PTPRA: variants seen among roughly 807,000 people sequenced by gnomAD.
PTPRA encodes protein tyrosine phosphatase receptor type A.
Under a neutral mutation model 104.8 loss-of-function variants are expected in PTPRA, and 25 were observed. The observed-to-expected ratio is 0.24, with a 90% CI of 0.17 to 0.33. The LOEUF is 0.33. PTPRA is among the 10% of genes least tolerant of loss of function. The pLI is 1.00. For missense variants in PTPRA, 765 were observed against 1,015.3 expected (o/e 0.75, Z 3.35); for synonymous variants, 323 against 368.9 (o/e 0.88, Z 1.43).
chr20:2,876,088 T>G (rs61386698), intron 1 of PTPRA, among the ~76,000 whole-genome samples: 2,353 of 152,164 alleles, frequency 0.015, 124 homozygotes, highest in Admixed American at 0.09. Context: ...TGAAAGAATT[T>G]TGGAAAGATC....
chr20:3,011,445 C>G (rs1183670322), intron 11 of PTPRA, among the ~76,000 whole-genome samples: 1 of 152,130 alleles, frequency 6.6e-6, no homozygotes, highest in African/African-American at 2.4e-5. Flanking sequence ...GCTACGTGTG[C>G]AAAGGAGGTA....
At chr20:2,888,357 C>T (rs191675965) in intron 1 of PTPRA, among the ~76,000 whole-genome samples, 11 of 152,012 alleles carry the variant, frequency 7.2e-5, no homozygotes, top group African/African-American at 1.9e-4. Flanking sequence ...CCCAGGAGTT[C>T]GAGACCAGCC....
intron 2 of PTPRA, among the ~76,000 whole-genome samples, chr20:2,938,070 A>G (rs1354324212): frequency 6.6e-6 from 1 of 152,162 alleles, no homozygotes; most frequent in Non-Finnish European, 1.5e-5. Flanking sequence ...CATAATCCCA[A>G]CACTTTGAGA....
chr20:3,007,898 A>C (rs1446955283), intron 11 of PTPRA, among the ~76,000 whole-genome samples: 1 of 152,174 alleles, frequency 6.6e-6, no homozygotes, highest in Non-Finnish European at 1.5e-5. Context: ...CTGAGGGAAG[A>C]GCTGATACTA....
rs142011414 is a variant in PTPRA at position 2,916,557 on chromosome 20, C to T, written c.-128-6650C>T. ...CCCAGATGAAAAGATTACTTAAGGC[C>T]AGTATTTCATCACCAGCCAGCCATG... On this transcript the variant is annotated intron_variant, in intron 1 of 23. Transcript: ENST00000399903. Among the ~76,000 whole-genome samples, 377 of 152,198 alleles carry T rather than the reference C, an allele frequency of 2.5e-3. 4 individuals are homozygous for T. Among genetic ancestry groups the T allele is most frequent in the African/African-American group, 8.4e-3 (349 of 41,522 alleles).
At chr20:2,925,855 G>A (rs1431062382) in intron 2 of PTPRA, among the ~76,000 whole-genome samples, 1 of 151,870 alleles carries the variant, frequency 6.6e-6, no homozygotes, top group African/African-American at 2.4e-5. Context: ...ACACATGGAT[G>A]TACAAACATC....
intron 9 of PTPRA, among the ~76,000 whole-genome samples, chr20:2,994,909 C>T (rs944389579): frequency 6.6e-6 from 1 of 152,182 alleles, no homozygotes; most frequent in African/African-American, 2.4e-5. Context: ...GCAGGCAGAT[C>T]ACTTGAGGTC....
chr20:2,948,121 C>A, intron 3 of PTPRA, 97 bp downstream of exon 3: 1 of 539,444 alleles, frequency 1.9e-6, no homozygotes, highest in Non-Finnish European at 3.0e-6. Flanking sequence ...CTGCTTATGG[C>A]ATAATCTGGG....
At chr20:2,917,545 C>A (rs1434618703) in intron 1 of PTPRA, among the ~76,000 whole-genome samples, 2 of 152,158 alleles carry the variant, frequency 1.3e-5, no homozygotes, top group African/African-American at 4.8e-5. Context: ...TGCTTTCTTG[C>A]CACTGGTAGT....
At chr20:3,020,409 T>A (rs1346436820) in intron 13 of PTPRA, among the ~76,000 whole-genome samples, 1 of 152,164 alleles carries the variant, frequency 6.6e-6, no homozygotes, top group Non-Finnish European at 1.5e-5. Context: ...ACAGAGGAGC[T>A]TTTTTCCCCT....
At chr20:2,942,898 C>T (rs2060972640) in intron 2 of PTPRA, among the ~76,000 whole-genome samples, 1 of 151,982 alleles carries the variant, frequency 6.6e-6, no homozygotes, top group Non-Finnish European at 1.5e-5. Context: ...CCTATACATA[C>T]ATAGCTGTGA....
At chr20:2,931,609 C>G (rs1020444740) in intron 2 of PTPRA, among the ~76,000 whole-genome samples, 5 of 152,088 alleles carry the variant, frequency 3.3e-5, no homozygotes, top group Non-Finnish European at 7.4e-5. Context: ...TTCCCTAGCC[C>G]CTGAAACAAA....
At chr20:2,911,344 G>A (rs1164035831) in intron 1 of PTPRA, among the ~76,000 whole-genome samples, 1 of 152,150 alleles carries the variant, frequency 6.6e-6, no homozygotes, top group Non-Finnish European at 1.5e-5. Context: ...CACTGATACT[G>A]CATTCACTGA....
At chr20:2,910,901 G>A (rs1162732734) in intron 1 of PTPRA, among the ~76,000 whole-genome samples, 2 of 148,874 alleles carry the variant, frequency 1.3e-5, no homozygotes, top group African/African-American at 2.5e-5. Flanking sequence ...CACCGCACCC[G>A]GCCTACTTTT....
At chr20:2,866,450 A>C in the PTPRA span, 2 of 1,614,160 alleles carry the variant, frequency 1.2e-6, no homozygotes, top group Non-Finnish European at 1.7e-6. Context: ...CAGGCTGCAG[A>C]TGTGGCCATC....
chr20:3,035,599 G>T lies in PTPRA; in HGVS notation c.1935G>T (p.Gln645His). Residue 645 changes from glutamine (Q) to histidine (H), a missense_variant, in exon 21 of 24, where the codon CAG becomes CAT. Coordinates refer to ENST00000399903, the MANE Select transcript of PTPRA (RefSeq NM_001385305.1). This position sits in a 1 kb window ranked among gnomAD's most constrained non-coding sequence, Gnocchi z 5.8. ...TGTCTCTCCAGGAGAAGTGTGCCCA[G>T]TACTGGCCATCTGATGGACTGGTGT... is the stretch of plus-strand genomic sequence containing the variant. Reference protein sequence around the residue: ...LEERGQEKCAQYWPSDGLVSY... With the variant: ...LEERGQEKCAHYWPSDGLVSY... 1 of 1,612,452 alleles carries T rather than the reference G, an allele frequency of 6.2e-7. No individual in the cohort carries two copies. The highest frequency in any genetic ancestry group is 1.1e-5 in the South Asian group (1 of 91,026).
chr20:2,917,580 G>A (rs146081501), intron 1 of PTPRA, among the ~76,000 whole-genome samples: 2 of 152,216 alleles, frequency 1.3e-5, no homozygotes, highest in East Asian at 3.9e-4. Context: ...TAAGAACTTA[G>A]CTAAGCTTTT....
chr20:2,935,758 T>TAC (rs1457493793), intron 2 of PTPRA, among the ~76,000 whole-genome samples: 3 of 152,180 alleles, frequency 2.0e-5, no homozygotes, highest in Non-Finnish European at 4.4e-5. Flanking sequence ...CTCACGCCTG[T>TAC]AATCCCAGCA....
At chr20:2,889,770 A>AGGG (rs761992647) in intron 1 of PTPRA, among the ~76,000 whole-genome samples, 2 of 152,186 alleles carry the variant, frequency 1.3e-5, no homozygotes, top group Non-Finnish European at 2.9e-5. Context: ...AAGGGAACTA[A>AGGG]GGGGTCTGTG....
Sources: allele counts gnomAD v4.1 joint callset (sites outside exome capture counted in the v4.1 genomes callset), GRCh38; gene constraint gnomAD v4.1.1; non-coding constraint Gnocchi (gnomAD v3.1); transcripts MANE v1.5; gene names NCBI Gene and HGNC (gene_info 2026-07-23, HGNC 2026-07-21).